RBFOX1: variants seen among roughly 807,000 people sequenced by gnomAD.
RBFOX1 encodes RNA binding fox-1 homolog 1.
In RBFOX1, 8 loss-of-function variants were observed where a neutral mutation model predicts 57.7. The observed-to-expected ratio is 0.14, with a 90% CI of 0.08 to 0.25. RBFOX1 has a LOEUF of 0.25. Ranked by LOEUF, RBFOX1 falls within the 10% of genes least tolerant of loss-of-function variation. The pLI, the probability that RBFOX1 is intolerant of heterozygous loss-of-function variation, is 1.00. For synonymous variants in RBFOX1, 326 were observed against 222.4 expected (o/e 1.47, Z -4.15); for missense variants, 611 against 548.5 (o/e 1.11, Z -1.14).
At chr16:7,533,767 G>GT (rs2080757667) in intron 5 of RBFOX1, among the ~76,000 whole-genome samples, 1 of 152,146 alleles carries the variant, frequency 6.6e-6, no homozygotes, top group African/African-American at 2.4e-5. Context: ...TTGAAATATC[G>GT]TAAGTTAGGA....
intron 4 of RBFOX1, among the ~76,000 whole-genome samples, chr16:7,274,211 C>T (rs2095396093): frequency 1.3e-5 from 2 of 152,128 alleles, no homozygotes; most frequent in Admixed American, 6.5e-5. Flanking sequence ...ATAAAATTAG[C>T]TAATGTTTAT....
intron 4 of RBFOX1, among the ~76,000 whole-genome samples, chr16:5,950,117 G>A (rs952090677): frequency 2.1e-4 from 32 of 152,262 alleles, no homozygotes; most frequent in Non-Finnish European, 1.9e-4. Flanking sequence ...ATGTAGAGAC[G>A]TTTCCACCTG....
chr16:7,260,086 T>C (rs890684607), intron 4 of RBFOX1, among the ~76,000 whole-genome samples: 9 of 152,210 alleles, frequency 5.9e-5, no homozygotes, highest in Non-Finnish European at 1.3e-4. Flanking sequence ...TCTGTAAATA[T>C]ATAACCATAT....
At chr16:7,498,550 G>A (rs1046053306) in intron 4 of RBFOX1, among the ~76,000 whole-genome samples, 1 of 152,000 alleles carries the variant, frequency 6.6e-6, no homozygotes, top group African/African-American at 2.4e-5. Context: ...ATATAACCAA[G>A]CATAATTTTA....
At chr16:5,756,223 CAAAAAAAAA>C (rs5815266) in intron 3 of RBFOX1, among the ~76,000 whole-genome samples, 1 of 50,948 alleles carries the variant, frequency 2.0e-5, no homozygotes, top group African/African-American at 7.1e-5. Flanking sequence ...TCCACATAAG[CAAAAAAAAA>C]AAAAAAAAAA....
intron 4 of RBFOX1, among the ~76,000 whole-genome samples, chr16:7,492,354 T>C (rs10492754): frequency 0.17 from 25,422 of 152,006 alleles, 2,970 homozygotes; most frequent in East Asian, 0.42. Flanking sequence ...GTGAATTTAA[T>C]GATGTGGTGA....
Position 5,648,522 on chromosome 16 carries a change from C to T in RBFOX1, c.318+49561C>T, listed in dbSNP as rs561659814. Among the ~76,000 whole-genome samples, 5 of 152,000 alleles carry T rather than the reference C, an allele frequency of 3.3e-5. No homozygotes were observed. The South Asian group carries it at 8.3e-4, about 25-fold the overall frequency. On this transcript the variant is annotated intron_variant, in intron 3 of 19. Transcript: ENST00000641259. ...GTGACATTTTGCTTAGTACAACTTG[C>T]GGGGAGGTGGTACTGGCATCTAGTG... is the stretch of plus-strand genomic sequence containing the variant.
At chr16:7,149,329 C>G (rs1466772045) in intron 4 of RBFOX1, among the ~76,000 whole-genome samples, 1 of 152,018 alleles carries the variant, frequency 6.6e-6, no homozygotes, top group African/African-American at 2.4e-5. Context: ...GGTAAAGAGT[C>G]AAGTCTCTTG....
chr16:6,765,780 C>T (rs994370794), intron 3 of RBFOX1, among the ~76,000 whole-genome samples: 5 of 152,272 alleles, frequency 3.3e-5, no homozygotes, highest in Non-Finnish European at 5.9e-5. Context: ...ATGGTATATT[C>T]ACCTTGAAAT....
chr16:5,762,837 T>G (rs2053636828), intron 3 of RBFOX1, among the ~76,000 whole-genome samples: 2 of 152,346 alleles, frequency 1.3e-5, no homozygotes, highest in South Asian at 4.1e-4. Flanking sequence ...AAAAATTATG[T>G]TAAATGGCAT....
chr16:7,552,109 C>T (rs1160331024), intron 5 of RBFOX1, among the ~76,000 whole-genome samples: 1 of 152,178 alleles, frequency 6.6e-6, no homozygotes, highest in Non-Finnish European at 1.5e-5. Context: ...TTCTCTCCAC[C>T]ACCCGTTTTT....
intron 3 of RBFOX1, among the ~76,000 whole-genome samples, chr16:6,999,177 T>TTATTTTATTTTATTA (rs1158341643): frequency 1.1e-5 from 1 of 94,184 alleles, no homozygotes; most frequent in Non-Finnish European, 2.5e-5. Flanking sequence ...CCTTTTTATT[T>TTATTTTATTTTATTA]TATTTTATTT....
At chr16:7,441,697 T>C (rs1229456789) in intron 4 of RBFOX1, among the ~76,000 whole-genome samples, 1 of 152,242 alleles carries the variant, frequency 6.6e-6, no homozygotes, top group Non-Finnish European at 1.5e-5. Context: ...TCAGACGATC[T>C]GGCATATTGA....
intron 3 of RBFOX1, among the ~76,000 whole-genome samples, chr16:5,689,783 C>T (rs974888557): frequency 1.4e-5 from 2 of 143,758 alleles, no homozygotes; most frequent in Admixed American, 1.5e-4. Context: ...TTAGACCAAT[C>T]ATTTTAATAA....
intron 4 of RBFOX1, among the ~76,000 whole-genome samples, chr16:7,366,700 C>T (rs1445568097): frequency 6.6e-6 from 1 of 151,686 alleles, no homozygotes; most frequent in Non-Finnish European, 1.5e-5. Flanking sequence ...TGTGCTAAGC[C>T]CTATTAAAAT....
chr16:5,741,789 G>C (rs141596694), intron 3 of RBFOX1, among the ~76,000 whole-genome samples: 1 of 152,104 alleles, frequency 6.6e-6, no homozygotes, highest in Non-Finnish European at 1.5e-5. Context: ...AGAAACTTTC[G>C]TTAAAGAAAT....
Position 6,722,178 on chromosome 16 carries a change from C to G in RBFOX1, c.-16+67528C>G, listed in dbSNP as rs537518400. Reference sequence around the variant, plus strand: ...TGGTACATACCCAAAAATGGAATTACCAGATCATGTGATATTTCTAGTTTT... The same window carrying G: ...TGGTACATACCCAAAAATGGAATTAGCAGATCATGTGATATTTCTAGTTTT... On this transcript the variant is annotated intron_variant, in intron 3 of 15. Coordinates refer to ENST00000550418, the MANE Select transcript of RBFOX1 (RefSeq NM_018723.4). Among the ~76,000 whole-genome samples, 5 of 152,284 alleles carry G rather than the reference C, an allele frequency of 3.3e-5. No individual in the cohort carries two copies. The South Asian group carries it at 8.3e-4, about 25-fold the overall frequency.
chr16:7,009,956 C>T (rs766940811), intron 3 of RBFOX1, among the ~76,000 whole-genome samples: 2 of 152,044 alleles, frequency 1.3e-5, no homozygotes, highest in Middle Eastern at 3.4e-3. Flanking sequence ...GAAAAAGGGT[C>T]CAAAGCTATA....
chr16:7,300,556 CTTCT>C (rs1333482322), intron 4 of RBFOX1, among the ~76,000 whole-genome samples: 15 of 152,130 alleles, frequency 9.9e-5, no homozygotes, highest in Non-Finnish European at 1.6e-4. Flanking sequence ...AGTTCAAGTC[CTTCT>C]TTCTGTCTAA....
Sources: allele counts gnomAD v4.1 joint callset (sites outside exome capture counted in the v4.1 genomes callset), GRCh38; gene constraint gnomAD v4.1.1; transcripts MANE v1.5; gene names NCBI Gene and HGNC (gene_info 2026-07-23, HGNC 2026-07-21).